ZNF69: variants seen among roughly 807,000 people sequenced by gnomAD.
The protein encoded by ZNF69 is zinc finger protein 69.
Under a neutral mutation model 50.9 loss-of-function variants are expected in ZNF69, and 47 were observed. That is an observed-to-expected ratio of 0.92 (90% CI 0.73 to 1.18). The LOEUF is 1.18. Among genes scored for constraint, ZNF69 ranks in the 50% most tolerant of loss-of-function variants. ZNF69 has a pLI of 0.00. For missense variants in ZNF69, 717 were observed against 675.1 expected (o/e 1.06, Z -0.69); for synonymous variants, 216 against 223.1 (o/e 0.97, Z 0.29).
chr19:11,950,331 C>T, the ZNF69 span: 1 of 1,441,004 alleles, frequency 6.9e-7, no homozygotes, highest in Non-Finnish European at 9.6e-7. Flanking sequence ...GCAAAACTTT[C>T]ACATTTTCCA....
chr19:11,927,228 C>G, the ZNF69 span, among the ~76,000 whole-genome samples: 5 of 151,960 alleles, frequency 3.3e-5, no homozygotes, highest in Non-Finnish European at 7.4e-5. Flanking sequence ...GTGGCCTGCA[C>G]CTGTAGTCCC....
the ZNF69 span, among the ~76,000 whole-genome samples, chr19:11,976,096 A>C: frequency 6.8e-6 from 1 of 146,026 alleles, no homozygotes; most frequent in African/African-American, 2.6e-5. Context: ...GGGGTGTGGG[A>C]TGTCCCAGGG....
the ZNF69 span, among the ~76,000 whole-genome samples, chr19:11,935,990 G>C: frequency 6.6e-6 from 1 of 152,274 alleles, no homozygotes; most frequent in Admixed American, 6.5e-5. Context: ...AGTCTGCTGA[G>C]TATGATGATT....
chr19:11,918,689 A>G (rs1972541852), downstream of ZNF69, among the ~76,000 whole-genome samples: 1 of 151,998 alleles, frequency 6.6e-6, no homozygotes, highest in Non-Finnish European at 1.5e-5. Flanking sequence ...TCCCGGGCTC[A>G]ATCAATCCTC....
chr19:11,942,928 A>G, the ZNF69 span, among the ~76,000 whole-genome samples: 1 of 152,068 alleles, frequency 6.6e-6, no homozygotes, highest in Non-Finnish European at 1.5e-5. Context: ...TGAGAATCTC[A>G]CTTATTAATG....
At chr19:11,934,844 T>C in the ZNF69 span, among the ~76,000 whole-genome samples, 3 of 147,698 alleles carry the variant, frequency 2.0e-5, no homozygotes, top group Non-Finnish European at 1.5e-5. Flanking sequence ...TTTCGCTCTT[T>C]AATGACACGT....
chr19:11,973,031 A>G, the ZNF69 span, among the ~76,000 whole-genome samples: 27 of 152,318 alleles, frequency 1.8e-4, 1 homozygote, highest in East Asian at 5.0e-3. Flanking sequence ...GAAGAAACCA[A>G]TATTATTATT....
chr19:11,948,943 CAA>C, the ZNF69 span: 1 of 1,608,178 alleles, frequency 6.2e-7, no homozygotes, highest in Non-Finnish European at 8.5e-7. Flanking sequence ...GAAGCCTTAT[CAA>C]TGCAAAGAAT....
chr19:11,969,261 C>T, the ZNF69 span, among the ~76,000 whole-genome samples: 1 of 152,156 alleles, frequency 6.6e-6, no homozygotes, highest in Non-Finnish European at 1.5e-5. Flanking sequence ...CGTGCCACCA[C>T]ACTCGGCTAA....
chr19:11,893,263 G>T (rs1977139542), intron 1 of ZNF69, among the ~76,000 whole-genome samples: 1 of 152,134 alleles, frequency 6.6e-6, no homozygotes, highest in South Asian at 2.1e-4. Flanking sequence ...TGCTTTCAGG[G>T]TCTTTAAGTA....
chr19:11,896,330 C>T (rs1036086111), intron 1 of ZNF69, among the ~76,000 whole-genome samples: 1 of 149,246 alleles, frequency 6.7e-6, no homozygotes, highest in Non-Finnish European at 1.5e-5. Flanking sequence ...ATTAGTATAA[C>T]GTTCAAAGCT....
chr19:11,943,098 G>A, the ZNF69 span, among the ~76,000 whole-genome samples: 3 of 152,130 alleles, frequency 2.0e-5, no homozygotes, highest in Non-Finnish European at 2.9e-5. Flanking sequence ...GGAGTAACAA[G>A]CAGGTTTCTA....
At chr19:11,930,869 C>A in the ZNF69 span, among the ~76,000 whole-genome samples, 3 of 147,726 alleles carry the variant, frequency 2.0e-5, 1 homozygote, top group Non-Finnish European at 2.9e-5. Flanking sequence ...CATAGTGGTG[C>A]ATGGCTGTAA....
Position 11,906,181 on chromosome 19 carries a change from G to A in ZNF69, c.*83G>A, listed in dbSNP as rs972624043. 1.2e-5 allele frequency: 19 copies of A among 1,562,382 alleles called. No individual in the cohort carries two copies. The African/African-American group carries it at 1.9e-4, about 16-fold the overall frequency. On this transcript the variant is annotated 3_prime_UTR_variant, in exon 4 of 4. Coordinates refer to ENST00000429654, the MANE Select transcript of ZNF69 (RefSeq NM_001364730.1). ...GAGAAACCATGAATGTAAAGAATGT[G>A]GGAAACCCTTCAGGTCTGCCCAGAA...
chr19:11,974,825 A>G, the ZNF69 span, among the ~76,000 whole-genome samples: 1 of 152,016 alleles, frequency 6.6e-6, no homozygotes, highest in Non-Finnish European at 1.5e-5. Context: ...CTGATCTTAA[A>G]CTGCTGACCT....
Position 11,905,187 on chromosome 19 carries a change from C to T in ZNF69, c.790C>T (p.Arg264Ter), listed in dbSNP as rs752185100. 36 of 1,613,898 alleles carry T rather than the reference C, an allele frequency of 2.2e-5. No homozygotes were observed. Among genetic ancestry groups the T allele is most frequent in the Middle Eastern group, 3.3e-4 (2 of 6,082 alleles). ...ATCCTTTAGTTATTCTGCTACCCTT[C>T]GAATACACGAAAGAACTCACACTGG... The part of the protein sequence containing the change: ...GKSFSYSATL[R>*]IHERTHTGEK... The change falls in exon 4 of 4, where the codon CGA becomes TGA. Residue 264 changes from arginine (R) to a stop codon, truncating the protein, a stop_gained. Coordinates refer to ENST00000429654, the MANE Select transcript of ZNF69 (RefSeq NM_001364730.1). LOFTEE classifies it high-confidence loss of function.
chr19:11,923,934 A>G, the ZNF69 span, among the ~76,000 whole-genome samples: 1 of 152,054 alleles, frequency 6.6e-6, no homozygotes, highest in Non-Finnish European at 1.5e-5. Flanking sequence ...CCCTTCTACA[A>G]GTGGCCTCCA....
At chr19:11,899,192 T>C (rs1333318954) in intron 1 of ZNF69, among the ~76,000 whole-genome samples, 1 of 152,248 alleles carries the variant, frequency 6.6e-6, no homozygotes, top group Non-Finnish European at 1.5e-5. Flanking sequence ...ATATCACATA[T>C]TTGGAATGAT....
At chr19:11,921,301 C>A in the ZNF69 span, among the ~76,000 whole-genome samples, 2 of 152,072 alleles carry the variant, frequency 1.3e-5, no homozygotes, top group Admixed American at 1.3e-4. Flanking sequence ...TCCCAAGTAG[C>A]TGGGAATAAA....
Sources: allele counts gnomAD v4.1 joint callset (sites outside exome capture counted in the v4.1 genomes callset), GRCh38; gene constraint gnomAD v4.1.1; transcripts MANE v1.5; gene names NCBI Gene and HGNC (gene_info 2026-07-23, HGNC 2026-07-21).